CHRDL1: variants seen among roughly 807,000 people sequenced by gnomAD.
CHRDL1 encodes the protein chordin like 1.
Under a neutral mutation model 40.9 loss-of-function variants are expected in CHRDL1, and 19 were observed. That is an observed-to-expected ratio of 0.46 (90% CI 0.32 to 0.68). CHRDL1 has a LOEUF of 0.68. CHRDL1 is among the 30% of genes least tolerant of loss of function. The pLI, the probability that CHRDL1 is intolerant of heterozygous loss-of-function variation, is 0.03. For synonymous variants in CHRDL1, 136 were observed against 123.4 expected, an observed-to-expected ratio of 1.10 and a Z score of -0.68; for missense variants, 329 against 352.1, an observed-to-expected ratio of 0.93 and a Z score of 0.53.
chrX:110,726,586 G>C (rs2071062573), intron 4 of CHRDL1, among the ~76,000 whole-genome samples: 1 of 112,019 alleles, frequency 8.9e-6, no homozygotes, highest in Non-Finnish European at 1.9e-5. Context: ...GGCATGTCTT[G>C]GTTCTGTGAT....
At chrX:110,733,442 G>A (rs138748934) in intron 4 of CHRDL1, among the ~76,000 whole-genome samples, 6,678 of 111,187 alleles carry the variant, frequency 0.06, 248 homozygotes, top group Non-Finnish European at 0.095. Context: ...CAGCCCCCAG[G>A]GCCCATCAAA....
intron 2 of CHRDL1, among the ~76,000 whole-genome samples, chrX:110,772,711 A>T (rs1348543770): frequency 1.8e-5 from 2 of 112,619 alleles, no homozygotes; most frequent in Non-Finnish European, 3.7e-5. Flanking sequence ...AGACAAATAG[A>T]TCAACAGAAT....
chrX:110,721,463 G>A lies in CHRDL1; in HGVS notation c.369C>T (p.Tyr123=). 8.3e-7 allele frequency: 1 copy of A among 1,207,972 alleles called. No individual in the cohort carries two copies. ...CAGCTACGAACAGCTCTCCATGTTG[G>A]TAAGTTGTCCCATTGTACTCGCAAG... The part of the protein sequence containing the change: ...SKSCEYNGTT[Y]QHGELFVAEG... Residue 123 remains tyrosine (Y), a synonymous_variant, in exon 5 of 12, where the codon TAC becomes TAT. Transcript: ENST00000372042.
chrX:110,688,895 CA>C, intron 8 of CHRDL1, 92 bp from the exon 9 acceptor site: 1 of 658,164 alleles, frequency 1.5e-6, no homozygotes, highest in South Asian at 2.6e-5. Flanking sequence ...CTTAACATAT[CA>C]AGCATCCTTT....
intron 4 of CHRDL1, among the ~76,000 whole-genome samples, chrX:110,754,345 G>C (rs2089413462): frequency 1.8e-5 from 2 of 112,318 alleles, no homozygotes; most frequent in South Asian, 7.4e-4. Flanking sequence ...TAATATTCTG[G>C]TTACAAAGTT....
At chrX:110,701,150 T>C (rs1385946183) in intron 6 of CHRDL1, among the ~76,000 whole-genome samples, 1 of 111,525 alleles carries the variant, frequency 9.0e-6, no homozygotes, top group East Asian at 2.8e-4. Flanking sequence ...TTTCTCTAGG[T>C]CTACATGACC....
intron 2 of CHRDL1, among the ~76,000 whole-genome samples, chrX:110,767,052 A>G (rs1453801651): frequency 8.9e-6 from 1 of 112,584 alleles, no homozygotes; most frequent in African/African-American, 3.2e-5. Flanking sequence ...AAGTCAATAA[A>G]TGTGGTACAC....
chrX:110,740,642 A>G (rs1050637277), intron 4 of CHRDL1, among the ~76,000 whole-genome samples: 1 of 112,160 alleles, frequency 8.9e-6, no homozygotes, highest in African/African-American at 3.2e-5. Context: ...GTAATATTTG[A>G]TGAGGAATGG....
At chrX:110,746,541 A>G (rs1300064820) in intron 4 of CHRDL1, among the ~76,000 whole-genome samples, 1 of 110,566 alleles carries the variant, frequency 9.0e-6, no homozygotes, top group Non-Finnish European at 1.9e-5. Flanking sequence ...GGCACCTCTG[A>G]AAATCTAATC....
intron 3 of CHRDL1, among the ~76,000 whole-genome samples, chrX:110,762,025 C>T (rs2089571891): frequency 8.9e-6 from 1 of 112,190 alleles, no homozygotes; most frequent in African/African-American, 3.2e-5. Context: ...CTAATATTCT[C>T]CCTAAAGGTC....
At chrX:110,678,573 G>A (rs182204600) in intron 11 of CHRDL1, among the ~76,000 whole-genome samples, 14 of 110,866 alleles carry the variant, frequency 1.3e-4, no homozygotes, top group Non-Finnish European at 1.1e-4. Flanking sequence ...CCTCCTCCCC[G>A]AAGCCTTCCC....
intron 4 of CHRDL1, among the ~76,000 whole-genome samples, chrX:110,739,608 T>C (rs917156851): frequency 4.5e-5 from 5 of 111,848 alleles, no homozygotes; most frequent in African/African-American, 1.6e-4. Flanking sequence ...TCCCTCTCCA[T>C]AGGCCCCTCC....
intron 2 of CHRDL1, among the ~76,000 whole-genome samples, chrX:110,766,493 C>A (rs985111782): frequency 6.3e-5 from 7 of 111,440 alleles, no homozygotes; most frequent in African/African-American, 2.3e-4. Flanking sequence ...AATAACCTCA[C>A]TGAGAAACAA....
intron 11 of CHRDL1, among the ~76,000 whole-genome samples, chrX:110,676,611 C>G (rs2069782929): frequency 9.0e-6 from 1 of 111,659 alleles, no homozygotes; most frequent in African/African-American, 3.3e-5. Context: ...TAATATAGAA[C>G]TGCCCCTCCT....
intron 2 of CHRDL1, among the ~76,000 whole-genome samples, chrX:110,778,473 C>T (rs184008516): frequency 1.6e-4 from 18 of 111,800 alleles, no homozygotes; most frequent in Non-Finnish European, 5.7e-5. Context: ...TCAAAAGACA[C>T]GCATGTAGTC....
chrX:110,743,618 C>G (rs2071399146), intron 4 of CHRDL1, among the ~76,000 whole-genome samples: 1 of 111,970 alleles, frequency 8.9e-6, no homozygotes, highest in African/African-American at 3.2e-5. Flanking sequence ...ATGGCCAGGA[C>G]TGAGGAGGAA....
intron 6 of CHRDL1, among the ~76,000 whole-genome samples, chrX:110,711,259 T>C (rs1738422): frequency 0.079 from 8,798 of 111,712 alleles, 848 homozygotes; most frequent in African/African-American, 0.27. Context: ...TAGGTGAGAA[T>C]GTATAAACTC....
chrX:110,778,371 T>C (rs1428235215), intron 2 of CHRDL1, among the ~76,000 whole-genome samples: 1 of 112,067 alleles, frequency 8.9e-6, no homozygotes, highest in Admixed American at 9.5e-5. Flanking sequence ...GAAGGTCTAA[T>C]ATCAAGAATC....
chrX:110,791,775 A>AT (rs1440647093), intron 2 of CHRDL1, among the ~76,000 whole-genome samples: 4 of 112,138 alleles, frequency 3.6e-5, no homozygotes, highest in African/African-American at 1.3e-4. Flanking sequence ...CATCTGTCAG[A>AT]TATTTCTAGA....
Sources: gnomAD v4.1 joint callset for allele counts (sites outside exome capture counted in the v4.1 genomes callset) on GRCh38, gnomAD v4.1.1 for gene constraint, MANE v1.5 for transcripts, NCBI Gene and HGNC (gene_info 2026-07-23, HGNC 2026-07-21) for gene names.